Variants in PTPRR observed in about 807,000 individuals in gnomAD.
PTPRR encodes the protein protein tyrosine phosphatase receptor type R, also known as receptor-type tyrosine-protein phosphatase R.
In PTPRR, 38 loss-of-function variants were observed where a neutral mutation model predicts 77.2. That is an observed-to-expected ratio of 0.49 (90% CI 0.38 to 0.65). PTPRR has a LOEUF of 0.65. PTPRR is among the 30% of genes least tolerant of loss of function. PTPRR has a pLI of 0.00. For missense variants in PTPRR, 744 were observed against 799.2 expected (o/e 0.93, Z 0.83); for synonymous variants, 299 against 283.1 (o/e 1.06, Z -0.57).
intron 2 of PTPRR, among the ~76,000 whole-genome samples, chr12:70,891,960 A>G (rs1393065931): frequency 6.6e-6 from 1 of 152,040 alleles, no homozygotes; most frequent in Non-Finnish European, 1.5e-5. Flanking sequence ...ATCCTTCTAT[A>G]ATGATGTTAA....
At chr12:70,827,805 C>T (rs1892141052) in intron 2 of PTPRR, among the ~76,000 whole-genome samples, 1 of 149,748 alleles carries the variant, frequency 6.7e-6, no homozygotes, top group Non-Finnish European at 1.5e-5. Context: ...GCAACCTCCA[C>T]CTCCTCCTGG....
At chr12:70,800,178 G>C (rs1030009122) in intron 2 of PTPRR, among the ~76,000 whole-genome samples, 3 of 151,776 alleles carry the variant, frequency 2.0e-5, no homozygotes, top group African/African-American at 7.3e-5. Context: ...AAAACACCTG[G>C]AGTGCATGAT....
chr12:70,918,723 A>G (rs1565741015), intron 1 of PTPRR, among the ~76,000 whole-genome samples: 1 of 152,184 alleles, frequency 6.6e-6, no homozygotes. Flanking sequence ...AAATGACTAC[A>G]CTGATATTGT....
chr12:70,875,970 TC>T, intron 2 of PTPRR, among the ~76,000 whole-genome samples: 1 of 152,136 alleles, frequency 6.6e-6, no homozygotes, highest in Non-Finnish European at 1.5e-5. Context: ...GGTACAGTTT[TC>T]ACCTCCCTGG....
At chr12:70,744,245 G>A (rs1490689651) in intron 6 of PTPRR, among the ~76,000 whole-genome samples, 1 of 152,206 alleles carries the variant, frequency 6.6e-6, no homozygotes, top group East Asian at 1.9e-4. Flanking sequence ...CCCAGGAACG[G>A]CAGGGCTGGG....
At chr12:70,766,716 A>T (rs1890832983) in intron 2 of PTPRR, among the ~76,000 whole-genome samples, 1 of 151,566 alleles carries the variant, frequency 6.6e-6, no homozygotes, top group Non-Finnish European at 1.5e-5. Context: ...TAATTGTCAG[A>T]TTCACCAAAG....
chr12:70,828,159 A>T (rs1385148972), intron 2 of PTPRR, among the ~76,000 whole-genome samples: 1 of 152,238 alleles, frequency 6.6e-6, no homozygotes, highest in Non-Finnish European at 1.5e-5. Flanking sequence ...AGTCTGTAAC[A>T]GTATCTAATA....
rs916301465 is a variant in PTPRR, at chr12:70,764,731, G to A, written c.405C>T (p.Ile135=). The A allele has an allele frequency of 6.2e-7, 1 of 1,613,998 alleles. No individual in the cohort carries two copies. Among genetic ancestry groups the A allele is most frequent in the Non-Finnish European group, 8.5e-7 (1 of 1,180,010 alleles). ...AAGCTGCAGCCACTCCTTGGCGGAA[G>A]ATCCGAAGCAAGGTTATGTTCAGCT... The part of the protein sequence containing the change: ...VNKLNITLLR[I]FRQGVAAALG... Residue 135 remains isoleucine (I), a synonymous_variant, in exon 3 of 14, where the codon ATC becomes ATT. Coordinates refer to ENST00000283228, the MANE Select transcript of PTPRR (RefSeq NM_002849.4).
chr12:70,681,458 C>A (rs534537126), intron 10 of PTPRR, among the ~76,000 whole-genome samples: 2 of 152,324 alleles, frequency 1.3e-5, no homozygotes, highest in South Asian at 4.1e-4. Context: ...TTAATGGGGG[C>A]TGCTGGGGCC....
chr12:70,681,489 C>A (rs572576213), intron 10 of PTPRR, among the ~76,000 whole-genome samples: 127 of 152,290 alleles, frequency 8.3e-4, no homozygotes, highest in African/African-American at 3.1e-3. Flanking sequence ...CTAGTCCCCA[C>A]TGGGGATGCA....
chr12:70,713,822 T>C (rs1888920965), intron 6 of PTPRR, among the ~76,000 whole-genome samples: 1 of 152,222 alleles, frequency 6.6e-6, no homozygotes, highest in African/African-American at 2.4e-5. Context: ...CTTCCCATTC[T>C]ATGAATTGTC....
intron 2 of PTPRR, among the ~76,000 whole-genome samples, chr12:70,834,633 T>C (rs1892270576): frequency 6.6e-6 from 1 of 152,196 alleles, no homozygotes; most frequent in South Asian, 2.1e-4. Flanking sequence ...TTAACTGTTT[T>C]ATTCCATGGT....
chr12:70,864,537 C>T (rs1353462917), intron 2 of PTPRR, among the ~76,000 whole-genome samples: 1 of 152,156 alleles, frequency 6.6e-6, no homozygotes, highest in Non-Finnish European at 1.5e-5. Context: ...TAAATGTAAG[C>T]TATCATTATA....
intron 2 of PTPRR, among the ~76,000 whole-genome samples, chr12:70,766,464 A>T (rs1206588062): frequency 1.3e-5 from 2 of 152,170 alleles, no homozygotes; most frequent in East Asian, 3.8e-4. Flanking sequence ...AGTTTAGAGA[A>T]AAAAGAATAA....
At chr12:70,759,738 T>C (rs1011062006) in intron 4 of PTPRR, among the ~76,000 whole-genome samples, 18 of 82,618 alleles carry the variant, frequency 2.2e-4, no homozygotes, top group Non-Finnish European at 3.2e-4. Flanking sequence ...AAACAACACA[T>C]ACAAAAGCAT....
At chr12:70,733,050 G>A (rs1408998328) in intron 6 of PTPRR, among the ~76,000 whole-genome samples, 1 of 152,072 alleles carries the variant, frequency 6.6e-6, no homozygotes, top group Non-Finnish European at 1.5e-5. Context: ...GAAATGAAAA[G>A]TAAGGCAGGT....
chr12:70,737,284 C>A (rs1889893697), intron 6 of PTPRR, among the ~76,000 whole-genome samples: 1 of 152,050 alleles, frequency 6.6e-6, no homozygotes, highest in African/African-American at 2.4e-5. Context: ...TTGTCCTCTT[C>A]TCTGTTCTGC....
chr12:70,719,026 A>G (rs1045622386), intron 6 of PTPRR, among the ~76,000 whole-genome samples: 4 of 152,174 alleles, frequency 2.6e-5, no homozygotes, highest in Admixed American at 6.5e-5. Context: ...GTTCAAACGG[A>G]TAGAGTTCAT....
intron 2 of PTPRR, among the ~76,000 whole-genome samples, chr12:70,772,548 G>A (rs754875210): frequency 1.3e-5 from 2 of 152,104 alleles, no homozygotes; most frequent in Non-Finnish European, 2.9e-5. Flanking sequence ...AGAGAATTTG[G>A]AAAGTCAAAA....
Sources: gnomAD v4.1 joint callset for allele counts (sites outside exome capture counted in the v4.1 genomes callset) on GRCh38, gnomAD v4.1.1 for gene constraint, MANE v1.5 for transcripts, NCBI Gene and HGNC (gene_info 2026-07-23, HGNC 2026-07-21) for gene names.